The following TET2 variants were observed in gnomAD, a reference collection of about 807,000 sequenced individuals.
TET2 encodes methylcytosine dioxygenase TET2.
Under a neutral mutation model 142.9 loss-of-function variants are expected in TET2, and 299 were observed. That is an observed-to-expected ratio of 2.09 (90% CI 1.90 to 2.30). The LOEUF is 2.30. TET2 is among the 30% of genes most tolerant of loss of function. The pLI, the probability that TET2 is intolerant of heterozygous loss-of-function variation, is 0.00. For synonymous variants in TET2, 819 were observed against 849.0 expected (o/e 0.96, Z 0.61); for missense variants, 2,418 against 2,378.0 (o/e 1.02, Z -0.35).
intron 6 of TET2, among the ~76,000 whole-genome samples, chr4:105,256,070 A>AT (rs1730113685): frequency 2.0e-5 from 3 of 152,108 alleles, no homozygotes; most frequent in African/African-American, 7.2e-5. Context: ...ATTACATTTT[A>AT]TTTTATGCCC....
rs72955137 is a variant in TET2, at chr4:105,171,071, G to A, written c.-192-19289G>A. 9.7e-3 allele frequency among the ~76,000 whole-genome samples: 1,474 copies of A among 151,764 alleles called. 29 individuals carry two copies. Among genetic ancestry groups the A allele is most frequent in the African/African-American group, 0.032 (1,317 of 41,402 alleles). Reference sequence around the variant, plus strand: ...TCTTCATTCTTTTTTTTTAAATGGCGGAAATAAATTCATAGTGTTTTGAGT... The same window carrying A: ...TCTTCATTCTTTTTTTTTAAATGGCAGAAATAAATTCATAGTGTTTTGAGT... On this transcript the variant is annotated intron_variant, in intron 1 of 10. Transcript: ENST00000380013.
At chr4:105,151,534 A>G (rs923214187) in intron 1 of TET2, among the ~76,000 whole-genome samples, 3 of 151,572 alleles carry the variant, frequency 2.0e-5, no homozygotes, top group Non-Finnish European at 4.4e-5. Context: ...CAGTGATAAT[A>G]TCATCCTACC....
intron 2 of TET2, among the ~76,000 whole-genome samples, chr4:105,200,068 G>A (rs1307345694): frequency 1.3e-5 from 2 of 152,030 alleles, no homozygotes; most frequent in African/African-American, 4.8e-5. Context: ...CAGTAGTGGG[G>A]TTGCTGGGTT....
intron 3 of TET2, chr4:105,239,463 C>T (rs1729171856): frequency 4.2e-6 from 1 of 240,304 alleles, no homozygotes; most frequent in Non-Finnish European, 8.8e-6. Flanking sequence ...TGCTGCCTCA[C>T]CTTGTCCTTT....
chr4:105,190,747 A>G, intron 2 of TET2: 1 of 438,078 alleles, frequency 2.3e-6, no homozygotes, highest in South Asian at 4.4e-5. Flanking sequence ...ATCAATTCTC[A>G]ATGTCTATGG....
intron 2 of TET2, among the ~76,000 whole-genome samples, chr4:105,201,982 A>G (rs2110514593): frequency 6.6e-6 from 1 of 151,986 alleles, no homozygotes; most frequent in African/African-American, 2.4e-5. Flanking sequence ...GCCTCAAGCA[A>G]TCCACCTGCC....
At position 105,193,218 on chromosome 4, in the gene TET2, G is replaced by A. The variant is rs139666416; in HGVS notation, c.-47+2713G>A. Among the ~76,000 whole-genome samples the A allele has an allele frequency of 2.0e-3, 302 of 152,262 alleles. 1 individual carries two copies. Among genetic ancestry groups the A allele is most frequent in the African/African-American group, 7.1e-3 (293 of 41,548 alleles). ...TAACAAAGAATGACATCCCAGTGGA[G>A]AGAAGTGGAGGGGAAACAGCATGAA... On this transcript the variant is annotated intron_variant, in intron 2 of 10. Transcript: ENST00000380013.
intron 2 of TET2, among the ~76,000 whole-genome samples, chr4:105,192,706 C>T (rs1440129555): frequency 2.0e-5 from 3 of 152,100 alleles, no homozygotes; most frequent in Non-Finnish European, 4.4e-5. Context: ...AATCTCTTCC[C>T]TTGTTGAGCT....
intron 2 of TET2, among the ~76,000 whole-genome samples, chr4:105,220,104 T>G (rs1331868622): frequency 6.6e-6 from 1 of 152,142 alleles, no homozygotes; most frequent in African/African-American, 2.4e-5. Context: ...AATGAATACC[T>G]TGACAGATTA....
intron 6 of TET2, among the ~76,000 whole-genome samples, chr4:105,256,552 T>G (rs1254809255): frequency 1.3e-5 from 2 of 152,170 alleles, no homozygotes; most frequent in East Asian, 3.9e-4. Context: ...GCAGTTTGGT[T>G]ATGATGTTTA....
intron 6 of TET2, among the ~76,000 whole-genome samples, chr4:105,255,221 T>C (rs1483378338): frequency 6.6e-6 from 1 of 152,238 alleles, no homozygotes; most frequent in Non-Finnish European, 1.5e-5. Context: ...ATGTCGAGTT[T>C]TCATTTACAA....
intron 8 of TET2, among the ~76,000 whole-genome samples, chr4:105,263,808 G>A (rs2110291881): frequency 6.6e-6 from 1 of 152,124 alleles, no homozygotes; most frequent in East Asian, 1.9e-4. Flanking sequence ...ATGAGTGGAG[G>A]AAGAGAAGCC....
intron 6 of TET2, among the ~76,000 whole-genome samples, chr4:105,245,115 C>T (rs1169418452): frequency 1.3e-5 from 2 of 152,174 alleles, no homozygotes; most frequent in African/African-American, 4.8e-5. Context: ...CACAGTTTCT[C>T]TCTCTGGGTT....
Position 105,275,084 on chromosome 4 carries a change from C to T in TET2, c.4574C>T (p.Ser1525Phe), listed in dbSNP as rs1731134639. The change falls in exon 11 of 11, where the codon TCC (serine) becomes TTC (phenylalanine). Residue 1525 changes from serine to phenylalanine, a missense_variant. Transcript: ENST00000380013. ...LRLSGPVMQQ[S>F]QQPQPLQKQP... ...CTTTCAGGACCAGTCATGCAGCAGT[C>T]CCAGCAGCCCCAGCCTCTACAGAAG... 1 of 1,547,904 alleles carries T rather than the reference C, an allele frequency of 6.5e-7. No individual in the cohort carries two copies. Among genetic ancestry groups the T allele is most frequent in the Admixed American group, 2.0e-5 (1 of 50,692 alleles).
intron 8 of TET2, among the ~76,000 whole-genome samples, chr4:105,264,572 A>G (rs1055221506): frequency 2.0e-5 from 3 of 152,194 alleles, no homozygotes; most frequent in African/African-American, 7.2e-5. Context: ...GAAGCCATCA[A>G]ATATGTTCAA....
chr4:105,227,157 T>C (rs1728241225), intron 2 of TET2, among the ~76,000 whole-genome samples: 2 of 152,330 alleles, frequency 1.3e-5, no homozygotes, highest in South Asian at 2.1e-4. Flanking sequence ...CTGAGGAATA[T>C]GTTAAAAACT....
At chr4:105,147,256 C>G (rs1440690908) in intron 1 of TET2, among the ~76,000 whole-genome samples, 3 of 152,252 alleles carry the variant, frequency 2.0e-5, no homozygotes, top group Admixed American at 1.3e-4. Flanking sequence ...GTGCCTCCGA[C>G]GAGCCGGTTT....
At position 105,175,153 on chromosome 4, in the gene TET2, G is replaced by GT. The variant is rs532799970; in HGVS notation, c.-192-15206dup. Among the ~76,000 whole-genome samples the GT allele has an allele frequency of 6.1e-4, 93 of 152,228 alleles. 1 individual carries two copies. In the South Asian group the frequency reaches 0.018, roughly 30 times the overall value. ...TATTTGCAGCAGTTTCTTTTACTGA[G>GT]TATATCATGTCTGTCATTCAACCAA... On this transcript the variant is annotated intron_variant, in intron 1 of 10. Transcript: ENST00000380013.
intron 6 of TET2, among the ~76,000 whole-genome samples, chr4:105,246,083 C>T (rs977658990): frequency 2.6e-5 from 4 of 152,166 alleles, no homozygotes; most frequent in Non-Finnish European, 4.4e-5. Flanking sequence ...GGCACCCACC[C>T]GGCTCATTTT....
Sources: gnomAD v4.1 joint callset for allele counts (sites outside exome capture counted in the v4.1 genomes callset) on GRCh38, gnomAD v4.1.1 for gene constraint, MANE v1.5 for transcripts, NCBI Gene and HGNC (gene_info 2026-07-23, HGNC 2026-07-21) for gene names.